Variants in SMCO2 observed in about 807,000 individuals in gnomAD.
The protein encoded by SMCO2 is single-pass membrane protein with coiled-coil domains 2.
A neutral mutation model predicts 29.5 loss-of-function variants in SMCO2; 25 were observed. That is an observed-to-expected ratio of 0.85 (90% CI 0.62 to 1.18). The LOEUF is 1.18. SMCO2 is among the 50% of genes most tolerant of loss of function. SMCO2 has a pLI of 0.00. For synonymous variants in SMCO2, 117 were observed against 123.3 expected (o/e 0.95, Z 0.34); for missense variants, 348 against 344.5 (o/e 1.01, Z -0.08).
chr12:27,448,209 A>C, the SMCO2 span, among the ~76,000 whole-genome samples: 1 of 152,194 alleles, frequency 6.6e-6, no homozygotes, highest in African/African-American at 2.4e-5. Context: ...CCCTCCTCCC[A>C]GAAGTTGTTA....
chr12:27,451,655 A>C, the SMCO2 span, among the ~76,000 whole-genome samples: 7 of 152,202 alleles, frequency 4.6e-5, no homozygotes, highest in Non-Finnish European at 7.3e-5. Flanking sequence ...CTTTAAATGA[A>C]TATGTGCATT....
chr12:27,473,120 G>A (rs1005263910), intron 3 of SMCO2: 1 of 402,218 alleles, frequency 2.5e-6, no homozygotes, highest in South Asian at 3.4e-5. Flanking sequence ...AAAAAAAAGT[G>A]AATTATATGT....
At chr12:27,471,546 G>A (rs1477373523) in intron 2 of SMCO2, among the ~76,000 whole-genome samples, 2 of 152,078 alleles carry the variant, frequency 1.3e-5, no homozygotes, top group Non-Finnish European at 2.9e-5. Flanking sequence ...ATACGAGAGG[G>A]AACATATAGG....
At position 27,502,098 on chromosome 12, in the gene SMCO2, G is replaced by A. The variant is rs1292603598; in HGVS notation, c.859G>A (p.Val287Met). The change falls in exon 8 of 8, where the codon GTG becomes ATG. Residue 287 changes from valine (V) to methionine (M), a missense_variant. Coordinates refer to ENST00000298876, the Ensembl canonical transcript of SMCO2. ...GAGAGAGCCTTTCTTGAATTTGGAA[G>A]TGGAAGCCTTGTTACCCTCCTAAAG... The A allele has an allele frequency of 1.9e-6, 3 of 1,542,432 alleles. 1 individual carries two copies. The highest frequency in any genetic ancestry group is 2.6e-6 in the Non-Finnish European group (3 of 1,143,850).
intron 4 of SMCO2, among the ~76,000 whole-genome samples, chr12:27,475,167 T>C (rs1339760186): frequency 2.0e-5 from 3 of 152,154 alleles, no homozygotes; most frequent in African/African-American, 7.2e-5. Flanking sequence ...TTAATATATA[T>C]TTAAGCCTTC....
intron 7 of SMCO2, among the ~76,000 whole-genome samples, chr12:27,499,915 C>T (rs1463786629): frequency 6.6e-6 from 1 of 150,584 alleles, no homozygotes; most frequent in Admixed American, 6.6e-5. Context: ...CCTAGTCCTT[C>T]CATTCCCTTT....
At chr12:27,437,845 A>C in the SMCO2 span, among the ~76,000 whole-genome samples, 1 of 152,124 alleles carries the variant, frequency 6.6e-6, no homozygotes, top group Admixed American at 6.6e-5. Context: ...TCAACACCTC[A>C]GTCTGTCTCC....
chr12:27,476,001 T>C (rs962530668), intron 4 of SMCO2, among the ~76,000 whole-genome samples: 1 of 152,218 alleles, frequency 6.6e-6, no homozygotes, highest in Non-Finnish European at 1.5e-5. Flanking sequence ...TGGGTGTTTA[T>C]TGCTGTAAAC....
chr12:27,497,424 G>A, intron 7 of SMCO2: 2 of 221,448 alleles, frequency 9.0e-6, no homozygotes, highest in Admixed American at 8.3e-5. Flanking sequence ...GTCCCAGGAT[G>A]TTCCATACCA....
intron 5 of SMCO2, 39 bp downstream of exon 6, chr12:27,488,586 T>A: frequency 7.0e-7 from 1 of 1,429,420 alleles, no homozygotes; most frequent in Non-Finnish European, 9.4e-7. Flanking sequence ...AGGTTGGGGA[T>A]TTCTGTCACT....
At chr12:27,464,538 G>A (rs148086425), upstream of SMCO2, among the ~76,000 whole-genome samples, 3 of 151,812 alleles carry the variant, frequency 2.0e-5, no homozygotes, top group East Asian at 5.8e-4. Flanking sequence ...GTGAGAACCT[G>A]TCTCTACAAA....
chr12:27,459,667 C>A, the SMCO2 span, among the ~76,000 whole-genome samples: 3 of 152,108 alleles, frequency 2.0e-5, no homozygotes, highest in African/African-American at 7.2e-5. Flanking sequence ...GGACAGGGAC[C>A]GTGATTCTTT....
chr12:27,430,887 G>A, the SMCO2 span, among the ~76,000 whole-genome samples: 890 of 152,166 alleles, frequency 5.8e-3, 4 homozygotes, highest in African/African-American at 0.02. Context: ...CGAGCAGCTC[G>A]ATGCATGCTC....
chr12:27,476,381 T>G (rs1949586400), intron 4 of SMCO2, among the ~76,000 whole-genome samples: 1 of 152,212 alleles, frequency 6.6e-6, no homozygotes, highest in Non-Finnish European at 1.5e-5. Context: ...ATCCATTTAG[T>G]CCAAAGTGCA....
At chr12:27,446,535 C>G in the SMCO2 span, 1 of 152,218 alleles carries the variant, frequency 6.6e-6, no homozygotes, top group Non-Finnish European at 1.5e-5. Flanking sequence ...CAAAACGTCA[C>G]TGATCAACTT....
chr12:27,436,374 A>G, the SMCO2 span, among the ~76,000 whole-genome samples: 1 of 152,052 alleles, frequency 6.6e-6, no homozygotes, highest in Admixed American at 6.6e-5. Flanking sequence ...AGTGTAGGGG[A>G]TGGGTGGGAA....
At chr12:27,462,914 C>A (rs1410673066), upstream of SMCO2, among the ~76,000 whole-genome samples, 1 of 152,210 alleles carries the variant, frequency 6.6e-6, no homozygotes, top group East Asian at 1.9e-4. Flanking sequence ...TTAGGGTTTT[C>A]TCTGGGATCC....
At chr12:27,460,096 A>G in the SMCO2 span, among the ~76,000 whole-genome samples, 1 of 152,294 alleles carries the variant, frequency 6.6e-6, no homozygotes, top group East Asian at 1.9e-4. Flanking sequence ...CATATGTAAC[A>G]TGTATTACCA....
chr12:27,501,209 G>A lies in SMCO2; in HGVS notation c.684-714G>A, dbSNP rs994831593. Among the ~76,000 whole-genome samples the A allele has an allele frequency of 6.7e-5, 10 of 149,130 alleles. 2 individuals carry two copies. The highest frequency in any genetic ancestry group is 1.5e-4 in the Non-Finnish European group (10 of 67,630). On this transcript the variant is annotated intron_variant, in intron 7 of 7. Transcript: ENST00000298876. Reference sequence around the variant, plus strand: ...AGGCGGGCGGATCACGAGGTCAGGAGATCGAGACCATCCTGGCTAACACGG... The same window carrying A: ...AGGCGGGCGGATCACGAGGTCAGGAAATCGAGACCATCCTGGCTAACACGG...
Sources: gnomAD v4.1 joint callset for allele counts (sites outside exome capture counted in the v4.1 genomes callset) on GRCh38, gnomAD v4.1.1 for gene constraint, MANE v1.5 for transcripts, NCBI Gene and HGNC (gene_info 2026-07-23, HGNC 2026-07-21) for gene names.